Variants in DENND4C observed in about 807,000 individuals in gnomAD.
DENND4C encodes DENN domain containing 4C.
A neutral mutation model predicts 203.0 loss-of-function variants in DENND4C; 108 were observed. The observed-to-expected ratio is 0.53, with a 90% CI of 0.46 to 0.62. The LOEUF (loss-of-function observed/expected upper bound fraction) is 0.62, where lower values mean the gene tolerates loss of function less well. Among genes scored for constraint, DENND4C ranks in the 20% least tolerant of loss-of-function variants. The pLI is 0.00. For synonymous variants in DENND4C, 871 were observed against 792.4 expected (o/e 1.10, Z -1.67); for missense variants, 2,481 against 2,301.2 (o/e 1.08, Z -1.60).
At chr9:19,310,533 A>T (rs575974122) in intron 10 of DENND4C, among the ~76,000 whole-genome samples, 1 of 152,226 alleles carries the variant, frequency 6.6e-6, no homozygotes, top group African/African-American at 2.4e-5. Context: ...AAAGCCTAAA[A>T]TATTTACTGT....
At chr9:19,278,126 T>G (rs1045391081) in intron 2 of DENND4C, among the ~76,000 whole-genome samples, 13 of 150,798 alleles carry the variant, frequency 8.6e-5, no homozygotes, top group Admixed American at 6.0e-4. Context: ...TTTTTGTTGT[T>G]GTGGTTGTTT....
At chr9:19,324,340 A>C (rs1382736990) in intron 12 of DENND4C, 22 bp from the exon 13 acceptor site, 1 of 1,558,780 alleles carries the variant, frequency 6.4e-7, no homozygotes, top group Non-Finnish European at 8.7e-7. Flanking sequence ...ATTTGAATTT[A>C]ATTATATTTT....
Position 19,372,273 on chromosome 9 carries a change from C to T in DENND4C, c.*100C>T. 6.3e-6 allele frequency: 9 copies of T among 1,419,862 alleles called. No individual in the cohort carries two copies. Among genetic ancestry groups the T allele is most frequent in the Middle Eastern group, 1.8e-4 (1 of 5,446 alleles). 88.0% of individuals were successfully genotyped at this position (1,419,862 alleles called of 1,614,324 possible). On this transcript the variant is annotated 3_prime_UTR_variant, in exon 33 of 33. Coordinates refer to ENST00000434457, the MANE Select transcript of DENND4C (RefSeq NM_001330640.2). ...TCCAAATCGTAAGAACTGGTGAATA[C>T]GGAATTGAAGTAACTCTTGGGGACA...
Position 19,326,177 on chromosome 9 carries a change from C to T in DENND4C, c.2103C>T (p.Asp701=). 1 of 1,612,104 alleles carries T rather than the reference C, an allele frequency of 6.2e-7. No homozygotes were observed. Among genetic ancestry groups the T allele is most frequent in the Non-Finnish European group, 8.5e-7 (1 of 1,179,396 alleles). Residue 701 remains aspartate (D), a synonymous_variant, in exon 15 of 33, where the codon GAC becomes GAT. Transcript: ENST00000434457. Reference sequence around the variant, plus strand: ...AGCCACCTCCTGATGATGGAAAGGACCTGTCACCAAAGTACAGGTAGTAGG... The same window carrying T: ...AGCCACCTCCTGATGATGGAAAGGATCTGTCACCAAAGTACAGGTAGTAGG... ...PPEPPPDDGK[D]LSPKYSYKYF...
chr9:19,334,533 CT>C (rs1345752904), intron 17 of DENND4C, among the ~76,000 whole-genome samples: 5 of 92,984 alleles, frequency 5.4e-5, no homozygotes, highest in Non-Finnish European at 6.8e-5. Flanking sequence ...TTTTTTTTTT[CT>C]TTTTTTTTTG....
intron 26 of DENND4C, among the ~76,000 whole-genome samples, chr9:19,354,167 T>C (rs1824821891): frequency 6.6e-6 from 1 of 152,234 alleles, no homozygotes; most frequent in African/African-American, 2.4e-5. Context: ...TTATTCCTTT[T>C]CTTCTACAGG....
At position 19,334,988 on chromosome 9, in the gene DENND4C, AG is replaced by A; in HGVS notation, c.2473del (p.Val825Ter). On this transcript the variant is annotated frameshift_variant, in exon 18 of 33. Transcript: ENST00000434457. LOFTEE classifies it high-confidence loss of function. ...TTTTTTTTTGTTAGGTGTGCTATCG[AG>A]TAGTGATGCAGCTTTGTGGACTTTG... Reference protein sequence around the residue: ...VDPLDEVCYRVVMQLCGLWGH... With the variant: ...VDPLDEVCYRXVMQLCGLWGH... The A allele has an allele frequency of 6.2e-7, 1 of 1,600,716 alleles. No homozygotes were observed. The highest frequency in any genetic ancestry group is 8.5e-7 in the Non-Finnish European group (1 of 1,175,948).
At chr9:19,260,407 G>GTTATGTTATT (rs1829069070) in intron 1 of DENND4C, among the ~76,000 whole-genome samples, 1 of 150,752 alleles carries the variant, frequency 6.6e-6, no homozygotes, top group Non-Finnish European at 1.5e-5. Flanking sequence ...GTTATGTTAT[G>GTTATGTTATT]TTATTTTTGA....
chr9:19,319,882 T>C (rs1722652246), intron 12 of DENND4C, among the ~76,000 whole-genome samples: 1 of 152,184 alleles, frequency 6.6e-6, no homozygotes. Flanking sequence ...TCCTAAGGTA[T>C]CCTTTAGTGT....
intron 1 of DENND4C, among the ~76,000 whole-genome samples, chr9:19,273,862 T>A (rs1375979560): frequency 6.6e-6 from 1 of 152,022 alleles, no homozygotes; most frequent in Non-Finnish European, 1.5e-5. Flanking sequence ...TATTAGGTAG[T>A]TTTTTAGAAC....
chr9:19,297,868 G>A (rs1837777657), intron 6 of DENND4C, among the ~76,000 whole-genome samples, 188 bp from the exon 7 acceptor site: 1 of 152,100 alleles, frequency 6.6e-6, no homozygotes, highest in African/African-American at 2.4e-5. Flanking sequence ...AATACATTGT[G>A]TATTTCAGAA....
intron 1 of DENND4C, among the ~76,000 whole-genome samples, chr9:19,242,071 T>C (rs1823892312): frequency 6.6e-6 from 1 of 152,194 alleles, no homozygotes; most frequent in Non-Finnish European, 1.5e-5. Context: ...CTATTTCAGC[T>C]CTTAAGCCCT....
intron 32 of DENND4C, 81 bp downstream of exon 32, chr9:19,371,901 GTATAAAAGA>G (rs1828903975): frequency 7.7e-7 from 1 of 1,301,230 alleles, no homozygotes; most frequent in African/African-American, 1.5e-5. Flanking sequence ...TAGCTGGTAT[GTATAAAAGA>G]TTTAAAAGAT....
intron 18 of DENND4C, among the ~76,000 whole-genome samples, chr9:19,336,000 G>T (rs926893136): frequency 6.6e-6 from 1 of 151,800 alleles, no homozygotes; most frequent in Non-Finnish European, 1.5e-5. Context: ...CTGTGTAGGG[G>T]TTCTTTTGTC....
chr9:19,332,681 G>C (rs1819498425), intron 17 of DENND4C, among the ~76,000 whole-genome samples: 1 of 150,332 alleles, frequency 6.7e-6, no homozygotes, highest in Admixed American at 6.6e-5. Flanking sequence ...TATTTTTAAA[G>C]AGATGGAGTC....
intron 2 of DENND4C, among the ~76,000 whole-genome samples, chr9:19,281,648 A>G (rs1345536678): frequency 6.6e-6 from 1 of 152,250 alleles, no homozygotes; most frequent in Non-Finnish European, 1.5e-5. Context: ...GAAATACCGT[A>G]TATACTATAA....
At chr9:19,249,292 C>T (rs534289253) in intron 1 of DENND4C, among the ~76,000 whole-genome samples, 23 of 151,180 alleles carry the variant, frequency 1.5e-4, no homozygotes, top group African/African-American at 5.1e-4. Flanking sequence ...CGCTCTTATC[C>T]CCCAGGCTGG....
chr9:19,269,204 T>C (rs948327514), intron 1 of DENND4C, among the ~76,000 whole-genome samples: 6 of 152,084 alleles, frequency 3.9e-5, no homozygotes, highest in African/African-American at 1.4e-4. Flanking sequence ...CTTTTGTTGC[T>C]GAGGCTGGAG....
Position 19,304,047 on chromosome 9 carries a change from T to TAA in DENND4C, c.1312-1305_1312-1304insAA, listed in dbSNP as rs1563782312. Among the ~76,000 whole-genome samples, 561 of 146,180 alleles carry TAA rather than the reference T, an allele frequency of 3.8e-3. 3 individuals carry two copies. The highest frequency in any genetic ancestry group is 0.014 in the African/African-American group (540 of 37,656). On this transcript the variant is annotated intron_variant, in intron 9 of 32. Transcript: ENST00000434457. ...TAAAAAACATCAAAACCTGTCTTTT[T>TAA]TAAAAAAAAAAAAAACCCACAAATG...
Sources: allele counts gnomAD v4.1 joint callset (sites outside exome capture counted in the v4.1 genomes callset), GRCh38; gene constraint gnomAD v4.1.1; transcripts MANE v1.5; gene names NCBI Gene and HGNC (gene_info 2026-07-23, HGNC 2026-07-21).